Variants in HAT1 observed in about 807,000 individuals in gnomAD.
HAT1 encodes the protein histone acetyltransferase type B catalytic subunit.
A neutral mutation model predicts 56.6 loss-of-function variants in HAT1; 20 were observed. That is an observed-to-expected ratio of 0.35 (90% confidence interval 0.25 to 0.51). The LOEUF (loss-of-function observed/expected upper bound fraction) is 0.51, where lower values mean the gene tolerates loss of function less well. HAT1 is among the 20% of genes least tolerant of loss of function. The probability of loss-of-function intolerance (pLI) is 0.95; values close to 1 mark genes in which losing one functional copy is unlikely to be tolerated. For synonymous variants in HAT1, 146 were observed against 165.5 expected (o/e 0.88, Z 0.91); for missense variants, 408 against 504.3 (o/e 0.81, Z 1.83).
chr2:171,965,775 C>T lies in HAT1; in HGVS notation c.490-12C>T. 6.2e-7 allele frequency: 1 copy of T among 1,610,792 alleles called. No homozygotes were observed. The highest frequency in any genetic ancestry group is 1.1e-5 in the South Asian group (1 of 90,404). On this transcript the variant is annotated splice_polypyrimidine_tract_variant and intron_variant, in intron 5 of 10. Coordinates refer to ENST00000264108, the MANE Select transcript of HAT1 (RefSeq NM_003642.4). ...ATGAGTTTCACCTGACTTTTCCTGG[C>T]TTTTTCCCTAGGCTGACATGACATG...
chr2:171,928,876 A>C (rs1365791815), intron 2 of HAT1, among the ~76,000 whole-genome samples: 1 of 152,178 alleles, frequency 6.6e-6, no homozygotes, highest in African/African-American at 2.4e-5. Flanking sequence ...GTTAATAGAT[A>C]TTTGAGTTGT....
chr2:171,953,079 TCA>T, intron 4 of HAT1, 78 bp downstream of exon 4: 4 of 925,522 alleles, frequency 4.3e-6, no homozygotes, highest in Non-Finnish European at 6.4e-6. Flanking sequence ...GTGCGGTGGC[TCA>T]CACCTGTAAC....
At chr2:171,959,271 C>T (rs1011226578) in intron 4 of HAT1, among the ~76,000 whole-genome samples, 4 of 152,180 alleles carry the variant, frequency 2.6e-5, no homozygotes, top group African/African-American at 9.7e-5. Flanking sequence ...CCAAGCCCAG[C>T]TAGATATTCT....
intron 6 of HAT1, chr2:171,966,132 A>C: frequency 3.4e-6 from 2 of 591,608 alleles, no homozygotes; most frequent in Admixed American, 3.0e-5. Flanking sequence ...AGGCTTAAAC[A>C]GTAAAATGAG....
intron 8 of HAT1, among the ~76,000 whole-genome samples, 192 bp from the exon 9 acceptor site, chr2:171,975,962 TTTC>T (rs1321617231): frequency 1.4e-5 from 2 of 148,000 alleles, no homozygotes; most frequent in South Asian, 2.2e-4. Context: ...TCTTTTTTCT[TTTC>T]TTCTTTTAGA....
At position 171,965,360 on chromosome 2, in the gene HAT1, T is replaced by C. The variant is rs1387629281; in HGVS notation, c.332T>C (p.Ile111Thr). 6.2e-7 allele frequency: 1 copy of C among 1,607,606 alleles called. No individual in the cohort carries two copies. Among genetic ancestry groups the C allele is most frequent in the East Asian group, 2.2e-5 (1 of 44,774 alleles). ...TAGGCAGATGATGTTGAGGGCAAAATTAGACAAATCATTCCACCTGGATTT... is the reference window on the plus strand; with the variant it reads ...TAGGCAGATGATGTTGAGGGCAAAACTAGACAAATCATTCCACCTGGATTT... ...CVEADDVEGK[I>T]RQIIPPGFCT... Residue 111 changes from isoleucine to threonine, a missense_variant, in exon 5 of 11, where the codon ATT becomes ACT. Coordinates refer to ENST00000264108, the MANE Select transcript of HAT1 (RefSeq NM_003642.4).
intron 2 of HAT1, among the ~76,000 whole-genome samples, chr2:171,938,995 C>A (rs1485958089): frequency 6.6e-6 from 1 of 152,154 alleles, no homozygotes. Context: ...CCTGCCTTGG[C>A]CTCCCAAAGT....
At chr2:171,973,078 T>C (rs972419417) in intron 8 of HAT1, among the ~76,000 whole-genome samples, 1 of 152,190 alleles carries the variant, frequency 6.6e-6, no homozygotes, top group East Asian at 1.9e-4. Flanking sequence ...TCTTGCCTGA[T>C]GCTAGAGATT....
chr2:171,931,761 G>A (rs547118001), intron 2 of HAT1, among the ~76,000 whole-genome samples: 2 of 152,332 alleles, frequency 1.3e-5, no homozygotes, highest in South Asian at 2.1e-4. Flanking sequence ...ATGTTGATCC[G>A]TAATTGGTTG....
At chr2:171,962,085 A>T (rs1456434073) in intron 4 of HAT1, among the ~76,000 whole-genome samples, 1 of 152,134 alleles carries the variant, frequency 6.6e-6, no homozygotes, top group Non-Finnish European at 1.5e-5. Flanking sequence ...TGGGTTTTCA[A>T]ATGTGTATAA....
At chr2:171,974,173 C>CAAAAAAAAAAAAAAAAAAAAAA (rs1183466393) in intron 8 of HAT1, among the ~76,000 whole-genome samples, 1 of 45,558 alleles carries the variant, frequency 2.2e-5, no homozygotes. Context: ...GACCCTGTCT[C>CAAAAAAAAAAAAAAAAAAAAAA]AAAAAAAAAA....
chr2:171,929,412 T>C (rs1012550624), intron 2 of HAT1, among the ~76,000 whole-genome samples: 1 of 152,228 alleles, frequency 6.6e-6, no homozygotes, highest in African/African-American at 2.4e-5. Flanking sequence ...TCTCTCAGTT[T>C]GTGGTTTGCC....
intron 8 of HAT1, among the ~76,000 whole-genome samples, chr2:171,970,055 G>A (rs934129865): frequency 6.6e-6 from 1 of 152,086 alleles, no homozygotes; most frequent in African/African-American, 2.4e-5. Context: ...AGCTACTTGG[G>A]GGACTGAGAT....
rs1390779247 is a variant in HAT1 at position 171,983,265 on chromosome 2, A to C, written c.1173A>C (p.Ile391=). 3.1e-6 allele frequency: 5 copies of C among 1,604,246 alleles called. No individual in the cohort carries two copies. The highest frequency in any genetic ancestry group is 4.3e-6 in the Non-Finnish European group (5 of 1,171,752). ...ELTNQMNQIE[I]SMQHEQLEES... is the part of the protein sequence containing the mutation. ...CAAACCAGATGAACCAAATAGAAAT[A>C]AGCATGCAACATGAACAGCTGGAAG... is the stretch of plus-strand genomic sequence containing the variant. Residue 391 remains isoleucine, a synonymous_variant, in exon 11 of 11, where the codon ATA becomes ATC. Coordinates refer to ENST00000264108, the MANE Select transcript of HAT1 (RefSeq NM_003642.4).
chr2:171,983,088 T>C, intron 10 of HAT1, 97 bp from the exon 11 acceptor site: 1 of 697,386 alleles, frequency 1.4e-6, no homozygotes, highest in Non-Finnish European at 2.4e-6. Flanking sequence ...GGCGTATTCA[T>C]ACTATTCTTA....
At chr2:171,947,587 A>G (rs1338132729) in intron 3 of HAT1, among the ~76,000 whole-genome samples, 2 of 152,168 alleles carry the variant, frequency 1.3e-5, no homozygotes, top group Admixed American at 1.3e-4. Context: ...AACTTTAAAT[A>G]TATGTCCCAG....
intron 2 of HAT1, among the ~76,000 whole-genome samples, chr2:171,934,565 T>C (rs909419756): frequency 6.6e-6 from 1 of 151,984 alleles, no homozygotes; most frequent in Non-Finnish European, 1.5e-5. Context: ...GAAGAAGGCG[T>C]TGGAGATTTG....
chr2:171,936,907 T>G (rs1242138828), intron 2 of HAT1, among the ~76,000 whole-genome samples: 1 of 152,222 alleles, frequency 6.6e-6, no homozygotes, highest in Non-Finnish European at 1.5e-5. Flanking sequence ...GTCTGCATTA[T>G]GAGCACCTGT....
chr2:171,973,131 CTT>C (rs1558979196), intron 8 of HAT1, among the ~76,000 whole-genome samples: 1 of 152,116 alleles, frequency 6.6e-6, no homozygotes, highest in Non-Finnish European at 1.5e-5. Context: ...TCTCCACTCT[CTT>C]CTTGTGTCTT....
Sources: gnomAD v4.1 joint callset for allele counts (sites outside exome capture counted in the v4.1 genomes callset) on GRCh38, gnomAD v4.1.1 for gene constraint, MANE v1.5 for transcripts, NCBI Gene and HGNC (gene_info 2026-07-23, HGNC 2026-07-21) for gene names.